Variants in MON2 observed in about 807,000 individuals in gnomAD.
The protein encoded by MON2 is MON2 regulator of endosome-to-Golgi trafficking.
MON2 carries 84 observed loss-of-function variants against 208.6 expected under a neutral mutation model. That is an observed-to-expected ratio of 0.40 (90% confidence interval 0.34 to 0.48). MON2 has a LOEUF of 0.48. Ranked by LOEUF, MON2 falls within the 20% of genes least tolerant of loss-of-function variation. MON2 has a pLI of 0.59. For missense variants in MON2, 1,611 were observed against 2,015.4 expected, an observed-to-expected ratio of 0.80 and a Z score of 3.84; for synonymous variants, 660 against 694.0, an observed-to-expected ratio of 0.95 and a Z score of 0.77.
chr12:62,514,430 G>C (rs1008158137), intron 8 of MON2, among the ~76,000 whole-genome samples: 2 of 152,246 alleles, frequency 1.3e-5, no homozygotes, highest in Non-Finnish European at 2.9e-5. Flanking sequence ...TGGACTTACA[G>C]TTCCACATGG....
intron 8 of MON2, among the ~76,000 whole-genome samples, chr12:62,523,474 C>A (rs1448904710): frequency 6.6e-6 from 1 of 152,176 alleles, no homozygotes; most frequent in Non-Finnish European, 1.5e-5. Context: ...CAAGCCTCTG[C>A]ATATACTTAC....
At chr12:62,506,834 T>C (rs1379131923) in intron 7 of MON2, among the ~76,000 whole-genome samples, 1 of 152,194 alleles carries the variant, frequency 6.6e-6, no homozygotes, top group Admixed American at 6.5e-5. Context: ...CAAATGATTT[T>C]TGTGATATTT....
rs147949050 is a variant in MON2, at chr12:62,536,780, C to G, written c.1901-371C>G. On this transcript the variant is annotated intron_variant, in intron 14 of 34. Transcript: ENST00000393630. ...CTTGGCTCACTGCAACCACCGCCTC[C>G]TGAATTCAAGCAATTCTCCTGCCTC... Among the ~76,000 whole-genome samples, 652 of 151,916 alleles carry G rather than the reference C, an allele frequency of 4.3e-3. 7 individuals carry two copies. The highest frequency in any genetic ancestry group is 0.015 in the African/African-American group (619 of 41,432).
At chr12:62,477,251 C>CTT (rs2069139242) in intron 1 of MON2, among the ~76,000 whole-genome samples, 2 of 152,048 alleles carry the variant, frequency 1.3e-5, no homozygotes, top group Admixed American at 6.6e-5. Flanking sequence ...TTTTAAATAA[C>CTT]TTTTTTTGTG....
intron 30 of MON2, among the ~76,000 whole-genome samples, chr12:62,576,884 T>C (rs2074808395): frequency 1.3e-5 from 2 of 151,894 alleles, no homozygotes; most frequent in Admixed American, 6.6e-5. Context: ...TATTAATGTG[T>C]TGAAATAAAC....
chr12:62,544,632 C>G, intron 20 of MON2: 1 of 608,436 alleles, frequency 1.6e-6, no homozygotes, highest in Middle Eastern at 5.6e-4. Context: ...AATTAAGAAC[C>G]TTGGTATTAG....
chr12:62,509,095 C>T (rs12161814), intron 8 of MON2: 17,793 of 150,814 alleles, frequency 0.12, 1,133 homozygotes, highest in African/African-American at 0.14. Context: ...GTAATTTTTT[C>T]ACATTTATAT....
chr12:62,554,880 C>T (rs893858980), intron 24 of MON2, among the ~76,000 whole-genome samples: 16 of 152,108 alleles, frequency 1.1e-4, no homozygotes, highest in East Asian at 3.9e-4. Context: ...CTGCAAGCTC[C>T]GCCTTCCAGA....
At chr12:62,566,054 G>T (rs1283532114) in intron 28 of MON2, 23 bp downstream of exon 28, 12 of 1,604,320 alleles carry the variant, frequency 7.5e-6, no homozygotes, top group Non-Finnish European at 9.4e-6. Context: ...TCCTAAAATT[G>T]TCCTAACCTC....
rs780817629 is a variant in MON2 at position 62,555,966 on chromosome 12, T to C, written c.3211-28T>C. The C allele has an allele frequency of 2.6e-6, 4 of 1,516,850 alleles. No homozygotes were observed. The South Asian group carries it at 4.7e-5, about 18-fold the overall frequency. The allele number at this position is 1,516,850 out of a possible 1,614,324, so 94.0% of individuals were successfully genotyped here. On this transcript the variant is annotated intron_variant, in intron 24 of 34. Coordinates refer to ENST00000393630, the MANE Select transcript of MON2 (RefSeq NM_015026.3). ...TACTTAAGCTATATTATCAATGCAT[T>C]TTAAATGACATTTTAATAAATATTT...
intron 34 of MON2, among the ~76,000 whole-genome samples, chr12:62,589,110 G>A (rs185517580): frequency 6.6e-6 from 1 of 152,152 alleles, no homozygotes; most frequent in Non-Finnish European, 1.5e-5. Context: ...AGTATGGTTT[G>A]TTGGACCAGC....
chr12:62,560,172 G>A (rs564061009), intron 25 of MON2: 1 of 207,182 alleles, frequency 4.8e-6, no homozygotes, highest in South Asian at 9.8e-5. Context: ...TGGATGAATT[G>A]TATAGTGGTG....
At chr12:62,477,269 A>G (rs565809323) in intron 1 of MON2, among the ~76,000 whole-genome samples, 2 of 152,234 alleles carry the variant, frequency 1.3e-5, no homozygotes, top group Admixed American at 6.5e-5. Context: ...GTGTGTGTAA[A>G]TCTATACATA....
intron 34 of MON2, among the ~76,000 whole-genome samples, chr12:62,589,958 TATAAG>T (rs1183111505): frequency 6.6e-6 from 1 of 152,160 alleles, no homozygotes; most frequent in East Asian, 1.9e-4. Flanking sequence ...AATGTAAACA[TATAAG>T]ATGATATAAC....
At chr12:62,481,381 C>T (rs768306816) in intron 1 of MON2, among the ~76,000 whole-genome samples, 1 of 152,012 alleles carries the variant, frequency 6.6e-6, no homozygotes, top group Non-Finnish European at 1.5e-5. Flanking sequence ...AAAAAATTAG[C>T]TGGGTGTGGT....
chr12:62,551,291 A>G (rs1405181307), intron 23 of MON2, among the ~76,000 whole-genome samples: 1 of 152,148 alleles, frequency 6.6e-6, no homozygotes, highest in Non-Finnish European at 1.5e-5. Context: ...GAACACTTAC[A>G]GGTCATTGTA....
At chr12:62,542,486 A>C (rs1874881) in intron 19 of MON2, among the ~76,000 whole-genome samples, 1 of 152,038 alleles carries the variant, frequency 6.6e-6, no homozygotes, top group African/African-American at 2.4e-5. Context: ...CATTAATATT[A>C]GATTAGAGAT....
intron 1 of MON2, among the ~76,000 whole-genome samples, chr12:62,475,839 A>G (rs949419097): frequency 3.3e-5 from 5 of 151,314 alleles, no homozygotes; most frequent in East Asian, 2.0e-4. Context: ...GTGAAACCCC[A>G]TCTCTACTAA....
intron 7 of MON2, among the ~76,000 whole-genome samples, chr12:62,507,283 TTTTCTTTTC>T (rs954874696): frequency 2.0e-5 from 3 of 152,004 alleles, no homozygotes; most frequent in African/African-American, 7.2e-5. Context: ...GTATAGCTTG[TTTTCTTTTC>T]TTTCTTTTTT....
Sources: gnomAD v4.1 joint callset for allele counts (sites outside exome capture counted in the v4.1 genomes callset) on GRCh38, gnomAD v4.1.1 for gene constraint, MANE v1.5 for transcripts, NCBI Gene and HGNC (gene_info 2026-07-23, HGNC 2026-07-21) for gene names.